Variants in OPCML observed in about 807,000 individuals in gnomAD.
The protein encoded by OPCML is opioid binding protein/cell adhesion molecule like.
Under a neutral mutation model 37.8 loss-of-function variants are expected in OPCML, and 13 were observed. The ratio of observed to expected loss-of-function variants is 0.34; its 90% CI spans 0.22 to 0.55. The LOEUF is 0.55. Among genes scored for constraint, OPCML ranks in the 20% least tolerant of loss-of-function variants. The pLI, the probability that OPCML is intolerant of heterozygous loss-of-function variation, is 0.91. For missense variants in OPCML, 341 were observed against 435.6 expected (o/e 0.78, Z 1.93); for synonymous variants, 176 against 168.8 (o/e 1.04, Z -0.33).
At chr11:133,506,269 G>A (rs1203886954) in intron 1 of OPCML, among the ~76,000 whole-genome samples, 2 of 152,150 alleles carry the variant, frequency 1.3e-5, no homozygotes, top group Admixed American at 1.3e-4. Context: ...CCTACATTCA[G>A]TCAAAATTCT....
chr11:133,042,480 G>C (rs901757212), intron 1 of OPCML, among the ~76,000 whole-genome samples: 11 of 152,280 alleles, frequency 7.2e-5, no homozygotes, highest in Non-Finnish European at 1.5e-4. Context: ...GGACGCAAAC[G>C]GTGCAGTAGG....
intron 2 of OPCML, among the ~76,000 whole-genome samples, chr11:132,659,868 T>C (rs540490476): frequency 6.6e-6 from 1 of 152,336 alleles, no homozygotes; most frequent in Admixed American, 6.5e-5. Context: ...GTTTTTCCAC[T>C]ATATATCTTC....
chr11:133,518,207 G>A (rs186276428), intron 1 of OPCML, among the ~76,000 whole-genome samples: 35 of 152,054 alleles, frequency 2.3e-4, no homozygotes, highest in Admixed American at 1.2e-3. Flanking sequence ...GTATGGAAGC[G>A]TGTATAAGTG....
chr11:133,375,239 C>T (rs147455291), intron 1 of OPCML, among the ~76,000 whole-genome samples: 7 of 152,336 alleles, frequency 4.6e-5, no homozygotes, highest in African/African-American at 1.7e-4. Context: ...GCACGCATGT[C>T]GCGTATGTAA....
At chr11:133,476,308 T>A (rs1028130799) in intron 1 of OPCML, among the ~76,000 whole-genome samples, 1 of 152,036 alleles carries the variant, frequency 6.6e-6, no homozygotes, top group Admixed American at 6.5e-5. Flanking sequence ...AATGGCCTGA[T>A]TGGGGTGCAC....
intron 3 of OPCML, among the ~76,000 whole-genome samples, chr11:132,589,554 G>A (rs867856867): frequency 1.3e-5 from 2 of 152,300 alleles, no homozygotes; most frequent in African/African-American, 2.4e-5. Context: ...CGAGACACAA[G>A]AAGATAATAG....
chr11:132,622,719 C>T (rs1486882011), intron 3 of OPCML, among the ~76,000 whole-genome samples: 1 of 152,162 alleles, frequency 6.6e-6, no homozygotes, highest in East Asian at 1.9e-4. Context: ...CCATGGGGGG[C>T]TGCTAAGAGA....
intron 7 of OPCML, among the ~76,000 whole-genome samples, chr11:132,431,555 G>A (rs1313748398): frequency 6.6e-6 from 1 of 152,206 alleles, no homozygotes; most frequent in Admixed American, 6.5e-5. Flanking sequence ...TAAAGAAGAA[G>A]CATTTCATAT....
chr11:132,912,181 C>G (rs918512882), intron 2 of OPCML, among the ~76,000 whole-genome samples: 2 of 151,888 alleles, frequency 1.3e-5, no homozygotes, highest in African/African-American at 4.8e-5. Flanking sequence ...AAATAAATAG[C>G]TAAGACTGCA....
intron 2 of OPCML, among the ~76,000 whole-genome samples, chr11:132,750,274 A>T (rs1380342502): frequency 6.6e-6 from 1 of 152,202 alleles, no homozygotes; most frequent in African/African-American, 2.4e-5. Flanking sequence ...TTAACCACCA[A>T]TGGGCTGGAA....
Position 132,537,537 on chromosome 11 carries a change from T to C in OPCML, c.380-8351A>G, listed in dbSNP as rs77654093. 5.8e-3 allele frequency among the ~76,000 whole-genome samples: 877 copies of C among 152,300 alleles called. 14 individuals carry two copies. The highest frequency in any genetic ancestry group is 0.02 in the African/African-American group (822 of 41,572). On this transcript the variant is annotated intron_variant, in intron 3 of 7. Coordinates refer to ENST00000524381, the MANE Select transcript of OPCML (RefSeq NM_001012393.5). ...TGATTAGGTGATGAATCCTTAGCTATACCACAAGAAGCACAAGCAACAGCA... is the reference window on the plus strand; with the variant it reads ...TGATTAGGTGATGAATCCTTAGCTACACCACAAGAAGCACAAGCAACAGCA...
In OPCML at chr11:132,418,194, C is replaced by T. The variant is rs913045803; in HGVS notation, c.*1999G>A. The T allele has an allele frequency of 1.3e-5, 2 of 152,134 alleles. No individual in the cohort carries two copies. Among genetic ancestry groups the T allele is most frequent in the Non-Finnish European group, 2.9e-5 (2 of 68,038 alleles). 9.4% of individuals were successfully genotyped at this position (152,134 alleles called of 1,614,324 possible). ...TAAGGGCACAGAATTCAATGGTGCT[C>T]ATATTTTTTATTTTTTAGACTGAGG... On this transcript the variant is annotated 3_prime_UTR_variant, in exon 8 of 8. Transcript: ENST00000524381.
chr11:132,961,311 T>TA (rs977424487), intron 1 of OPCML, among the ~76,000 whole-genome samples: 53 of 152,054 alleles, frequency 3.5e-4, no homozygotes, highest in African/African-American at 6.3e-4. Flanking sequence ...TCTTAAATTT[T>TA]AAAAAAAAGT....
At chr11:132,769,799 C>T (rs909253411) in intron 2 of OPCML, among the ~76,000 whole-genome samples, 1 of 152,206 alleles carries the variant, frequency 6.6e-6, no homozygotes, top group African/African-American at 2.4e-5. Context: ...ACACAACTTA[C>T]ATCTCATTTC....
chr11:133,038,491 G>C (rs1947825583), intron 1 of OPCML, among the ~76,000 whole-genome samples: 1 of 152,126 alleles, frequency 6.6e-6, no homozygotes, highest in Non-Finnish European at 1.5e-5. Flanking sequence ...ATTATAAAAA[G>C]ATTCATTATT....
intron 1 of OPCML, among the ~76,000 whole-genome samples, chr11:132,972,882 G>C (rs984936426): frequency 6.6e-6 from 1 of 152,152 alleles, no homozygotes; most frequent in Non-Finnish European, 1.5e-5. Flanking sequence ...GTTGATTGCT[G>C]TTGGTTCATA....
chr11:132,563,993 C>A (rs1466467594), intron 3 of OPCML, among the ~76,000 whole-genome samples: 1 of 152,190 alleles, frequency 6.6e-6, no homozygotes, highest in South Asian at 2.1e-4. Flanking sequence ...AAGAAGGGGA[C>A]TCTCAGCGTT....
chr11:133,515,866 C>G (rs925342714), intron 1 of OPCML, among the ~76,000 whole-genome samples: 2 of 150,928 alleles, frequency 1.3e-5, no homozygotes, highest in African/African-American at 4.9e-5. Context: ...AAAGTTTCTA[C>G]TGATCTTAAA....
chr11:133,518,676 G>C (rs975989610), intron 1 of OPCML, among the ~76,000 whole-genome samples: 14 of 147,342 alleles, frequency 9.5e-5, no homozygotes, highest in Non-Finnish European at 2.1e-4. Flanking sequence ...GCAGGTGCTG[G>C]TGTGTGTGGG....
Sources: allele counts gnomAD v4.1 joint callset (sites outside exome capture counted in the v4.1 genomes callset), GRCh38; gene constraint gnomAD v4.1.1; transcripts MANE v1.5; gene names NCBI Gene and HGNC (gene_info 2026-07-23, HGNC 2026-07-21).